Variants in ACSS1 observed in about 807,000 individuals in gnomAD.
ACSS1 encodes the protein acetyl-coenzyme A synthetase 2-like, mitochondrial.
Under a neutral mutation model 75.3 loss-of-function variants are expected in ACSS1, and 42 were observed. The ratio of observed to expected loss-of-function variants is 0.56; its 90% CI spans 0.44 to 0.72. ACSS1 has a LOEUF of 0.72. Ranked by LOEUF, ACSS1 falls within the 30% of genes least tolerant of loss-of-function variation. The pLI, the probability that ACSS1 is intolerant of heterozygous loss-of-function variation, is 0.00. For missense variants in ACSS1, 782 were observed against 935.7 expected (o/e 0.84, Z 2.14); for synonymous variants, 380 against 376.8 (o/e 1.01, Z -0.10).
At chr20:25,009,473 A>T in intron 12 of ACSS1, 85 bp from the exon 13 acceptor site, 1 of 1,060,134 alleles carries the variant, frequency 9.4e-7, no homozygotes, top group Non-Finnish European at 1.4e-6. Context: ...ACAGACTGCC[A>T]GAAATCCGAA....
intron 2 of ACSS1, among the ~76,000 whole-genome samples, chr20:25,038,165 C>T (rs771034061): frequency 2.0e-5 from 3 of 152,182 alleles, no homozygotes; most frequent in African/African-American, 4.8e-5. Context: ...ATCACTAAAG[C>T]TATGTGTGTT....
intron 10 of ACSS1, 69 bp from the exon 11 acceptor site, chr20:25,013,008 C>T: frequency 6.2e-6 from 10 of 1,606,322 alleles, no homozygotes; most frequent in East Asian, 4.5e-5. Flanking sequence ...CCTCAGTAAG[C>T]GTGAAGCTCT....
chr20:25,032,404 A>C, intron 2 of ACSS1: 1 of 1,405,232 alleles, frequency 7.1e-7, no homozygotes, highest in Non-Finnish European at 9.3e-7. Flanking sequence ...AGTGGAAGCG[A>C]TCCCAAGGTT....
chr20:25,007,018 C>T lies in ACSS1; in HGVS notation c.*744G>A, dbSNP rs2088321366. On this transcript the variant is annotated 3_prime_UTR_variant, in exon 14 of 14. Transcript: ENST00000323482. ...GAACATAACTGGAGTAGCTTCAGAA[C>T]TAAGGCGGCCACATTCACCCCACCG... 1 of 1,522,802 alleles carries T rather than the reference C, an allele frequency of 6.6e-7. No homozygotes were observed. 94.3% of individuals were successfully genotyped at this position (1,522,802 alleles called of 1,614,324 possible).
intron 7 of ACSS1, among the ~76,000 whole-genome samples, chr20:25,018,331 A>T (rs2088555957): frequency 6.6e-6 from 1 of 152,242 alleles, no homozygotes; most frequent in Admixed American, 6.5e-5. Context: ...CAGCCTCCAG[A>T]AATGTGAACC....
chr20:25,006,690 C>T lies in ACSS1; in HGVS notation c.*1072G>A, dbSNP rs145173793. On this transcript the variant is annotated 3_prime_UTR_variant, in exon 14 of 14. Coordinates refer to ENST00000323482, the MANE Select transcript of ACSS1 (RefSeq NM_032501.4). The stretch of plus-strand genomic sequence containing the variant: ...TAGCAGGGAGGTAAGCACCCACTGG[C>T]GTCGTGATTTCCATTATCTTGCTAA... 2.0e-5 allele frequency: 20 copies of T among 999,522 alleles called. 1 individual carries two copies. The South Asian group carries it at 2.3e-4, about 11-fold the overall frequency. 61.9% of individuals were successfully genotyped at this position (999,522 alleles called of 1,614,324 possible). A position where few individuals can be genotyped will look rare whatever the true frequency, so the allele number is the denominator to read the frequency against.
intron 3 of ACSS1, among the ~76,000 whole-genome samples, chr20:25,030,156 C>T (rs1373355325): frequency 1.3e-5 from 2 of 152,198 alleles, no homozygotes; most frequent in African/African-American, 2.4e-5. Context: ...ACCTGCCTTG[C>T]GAAGCCAGCT....
chr20:25,032,220 A>G (rs966276138), intron 2 of ACSS1: 2 of 701,608 alleles, frequency 2.9e-6, no homozygotes, highest in African/African-American at 3.7e-5. Flanking sequence ...TCTGGGGCCT[A>G]TCACCAGGTT....
rs191639526 is a variant in ACSS1 at position 25,027,550 on chromosome 20, C to T, written c.631+3209G>A. Among the ~76,000 whole-genome samples, 17 of 152,204 alleles carry T rather than the reference C, an allele frequency of 1.1e-4. No individual in the cohort carries two copies. The East Asian group carries it at 1.3e-3, about 12-fold the overall frequency. On this transcript the variant is annotated intron_variant, in intron 3 of 13. Coordinates refer to ENST00000323482, the MANE Select transcript of ACSS1 (RefSeq NM_032501.4). ...GAAGGAAAAAACACATCTCAATTGACGCAGAGCAAGCATTTGACAAAATCC... is the reference window on the plus strand; with the variant it reads ...GAAGGAAAAAACACATCTCAATTGATGCAGAGCAAGCATTTGACAAAATCC...
rs1034543413 is a variant in ACSS1, at chr20:25,053,101, T to C, written c.334+4668A>G. ...TTTTTTGAGACAGGGTCTCACTCCA[T>C]TGCCCAGGCTAGAGTGCGCTGGCGT... On this transcript the variant is annotated intron_variant, in intron 1 of 13. Transcript: ENST00000323482. 2.1e-5 allele frequency among the ~76,000 whole-genome samples: 3 copies of C among 146,128 alleles called. No individual in the cohort carries two copies. In the East Asian group the frequency reaches 6.2e-4, roughly 30 times the overall value.
At position 25,013,604 on chromosome 20, in the gene ACSS1, G is replaced by A. The variant is rs774284268; in HGVS notation, c.1511C>T (p.Pro504Leu). The A allele has an allele frequency of 4.5e-5, 72 of 1,610,064 alleles. No homozygotes were observed. Among genetic ancestry groups the A allele is most frequent in the Non-Finnish European group, 5.3e-5 (62 of 1,177,826 alleles). The change falls in exon 10 of 14, where the codon CCG becomes CTG. Residue 504 changes from proline (P) to leucine (L), a missense_variant. Physicochemically the swap from Pro to Leu is moderately conservative, Grantham distance 98. Transcript: ENST00000323482. ...GCCATAGATGGTCCTGGCCATGCCC[G>A]GCCAGGCCTGGGAGATGCACAGGGC... ...SGALCISQAW[P>L]GMARTIYGDH...
chr20:25,013,684 G>T, intron 9 of ACSS1, 22 bp from the exon 10 acceptor site: 1 of 1,582,714 alleles, frequency 6.3e-7, no homozygotes, highest in South Asian at 1.1e-5. Flanking sequence ...GGACATGCAA[G>T]TGAGACAGGG....
intron 1 of ACSS1, among the ~76,000 whole-genome samples, chr20:25,056,955 C>A (rs775871197): frequency 1.3e-5 from 2 of 152,206 alleles, no homozygotes; most frequent in Non-Finnish European, 2.9e-5. Context: ...GCCCAGTCAG[C>A]GCCTTAGGTG....
intron 3 of ACSS1, 34 bp from the exon 4 acceptor site, chr20:25,023,675 C>T: frequency 1.3e-6 from 2 of 1,549,406 alleles, no homozygotes; most frequent in South Asian, 1.2e-5. Context: ...TCTGATCAGT[C>T]TCCTCCCGAC....
Position 25,007,866 on chromosome 20 carries a change from C to A in ACSS1, c.1966G>T (p.Ala656Ser), listed in dbSNP as rs2088336778. The change falls in exon 14 of 14, where the codon GCC becomes TCC. Residue 656 changes from alanine (A) to serine (S), a missense_variant. Coordinates refer to ENST00000323482, the MANE Select transcript of ACSS1 (RefSeq NM_032501.4). ...GTGGTAGTGTCTCCCAGCTCCTGGG[C>A]CTCACTAGTGATGATCTTCCTCAGG... Reference protein sequence around the residue: ...RLLRKIITSEAQELGDTTTLE... With the variant: ...RLLRKIITSESQELGDTTTLE... The A allele has an allele frequency of 2.5e-6, 4 of 1,614,188 alleles. No homozygotes were observed. In the Middle Eastern group the frequency reaches 4.9e-4, roughly 200 times the overall value.
chr20:25,013,541 T>A lies in ACSS1; in HGVS notation c.1574A>T (p.Tyr525Phe), dbSNP rs1469802828. ...QRFVDAYFKA[Y>F]PGYYFTGDGA... ...GTCCCTGACAGCCTGCTCACCTGGG[T>A]AGGCCTTGAAGTAGGCGTCCACAAA... Residue 525 changes from tyrosine (Y) to phenylalanine (F), a missense_variant, in exon 10 of 14, where the codon TAC becomes TTC. This residue lies in a region of ACSS1 where 405 missense variants were observed against 552.6 expected (regional missense o/e 0.73). Transcript: ENST00000323482. The A allele has an allele frequency of 1.3e-6, 2 of 1,596,228 alleles. No homozygotes were observed.
chr20:25,040,985 G>A (rs908412157), intron 2 of ACSS1, among the ~76,000 whole-genome samples: 6 of 152,204 alleles, frequency 3.9e-5, no homozygotes, highest in South Asian at 2.1e-4. Flanking sequence ...TTGTCCGGGC[G>A]CAGTGGCTCA....
intron 2 of ACSS1, among the ~76,000 whole-genome samples, chr20:25,045,031 C>G (rs561396032): frequency 3.3e-5 from 5 of 152,248 alleles, no homozygotes; most frequent in African/African-American, 1.2e-4. Context: ...GGTCCAACCT[C>G]GCTGCCCAGT....
At chr20:25,036,956 AAAAAAAAAAG>A (rs2088917716) in intron 2 of ACSS1, among the ~76,000 whole-genome samples, 2 of 149,774 alleles carry the variant, frequency 1.3e-5, no homozygotes, top group Non-Finnish European at 3.0e-5. Context: ...CTCTGTCAAA[AAAAAAAAAAG>A]AAGAAGAAGA....
Sources: gnomAD v4.1 joint callset for allele counts (sites outside exome capture counted in the v4.1 genomes callset) on GRCh38, gnomAD v4.1.1 for gene constraint, gnomAD v4.1.1 regional missense constraint, MANE v1.5 for transcripts, NCBI Gene and HGNC (gene_info 2026-07-23, HGNC 2026-07-21) for gene names.